DYNC1I1: variants seen among roughly 807,000 people sequenced by gnomAD.
The protein encoded by DYNC1I1 is cytoplasmic dynein 1 intermediate chain 1.
DYNC1I1 carries 43 observed loss-of-function variants against 86.6 expected under a neutral mutation model. That is an observed-to-expected ratio of 0.50 (90% confidence interval 0.39 to 0.64). The LOEUF (loss-of-function observed/expected upper bound fraction) is 0.64, where lower values mean the gene tolerates loss of function less well. Among genes scored for constraint, DYNC1I1 ranks in the 30% least tolerant of loss-of-function variants. The pLI, the probability that DYNC1I1 is intolerant of heterozygous loss-of-function variation, is 0.00. For synonymous variants in DYNC1I1, 262 were observed against 283.7 expected (o/e 0.92, Z 0.77); for missense variants, 604 against 788.8 (o/e 0.77, Z 2.81).
At chr7:96,080,791 G>T (rs1318448710) in intron 16 of DYNC1I1, among the ~76,000 whole-genome samples, 1 of 152,148 alleles carries the variant, frequency 6.6e-6, no homozygotes, top group African/African-American at 2.4e-5. Context: ...AAGTTTAGAG[G>T]CTGGGTGCGG....
At chr7:96,039,212 G>A (rs1788963456) in intron 13 of DYNC1I1, 65 bp from the exon 14 acceptor site, 2 of 1,537,590 alleles carry the variant, frequency 1.3e-6, no homozygotes, top group Admixed American at 4.4e-5. Context: ...GTTTTGTTTT[G>A]TTTTTAAGCA....
chr7:96,030,029 G>GT (rs1470674398), intron 11 of DYNC1I1, among the ~76,000 whole-genome samples: 1 of 151,232 alleles, frequency 6.6e-6, no homozygotes, highest in African/African-American at 2.4e-5. Flanking sequence ...GATTTTGTTT[G>GT]TTTGTTTTCT....
chr7:95,847,313 A>G (rs1789459533), intron 5 of DYNC1I1, among the ~76,000 whole-genome samples: 1 of 152,026 alleles, frequency 6.6e-6, no homozygotes, highest in African/African-American at 2.4e-5. Context: ...ACCATCAATC[A>G]CAGATCTTTT....
chr7:95,921,232 G>A (rs1342147990), intron 6 of DYNC1I1, among the ~76,000 whole-genome samples: 1 of 152,180 alleles, frequency 6.6e-6, no homozygotes, highest in Non-Finnish European at 1.5e-5. Context: ...TTCATAAGAT[G>A]TGTAAAATTT....
At chr7:95,827,984 A>AGTTTG (rs1562909969) in intron 4 of DYNC1I1, 73 bp from the exon 5 acceptor site, 14 of 1,496,290 alleles carry the variant, frequency 9.4e-6, no homozygotes, top group South Asian at 1.1e-5. Flanking sequence ...TGAATGACAT[A>AGTTTG]GTTTGGTTTG....
At chr7:95,943,249 A>G (rs1401817127) in intron 6 of DYNC1I1, among the ~76,000 whole-genome samples, 1 of 151,898 alleles carries the variant, frequency 6.6e-6, no homozygotes, top group Non-Finnish European at 1.5e-5. Flanking sequence ...AGAGAGCCAA[A>G]TCATGAGTGA....
chr7:95,999,948 T>C (rs994387924), intron 10 of DYNC1I1, among the ~76,000 whole-genome samples: 2 of 152,222 alleles, frequency 1.3e-5, no homozygotes, highest in African/African-American at 2.4e-5. Context: ...GACACAGAGA[T>C]ATAAATTAAT....
rs184710256 is a variant in DYNC1I1, at chr7:95,838,736, T to C, written c.374+10620T>C. On this transcript the variant is annotated intron_variant, in intron 5 of 16. Transcript: ENST00000447467. ...ATAAATGCTTCATAGTTCTTTTATG[T>C]AGAGATTTTTCACCTTGGTTAAATC... is the stretch of plus-strand genomic sequence containing the variant. Among the ~76,000 whole-genome samples the C allele has an allele frequency of 1.4e-4, 22 of 152,272 alleles. 1 individual carries two copies. The East Asian group carries it at 4.2e-3, about 29-fold the overall frequency.
intron 7 of DYNC1I1, among the ~76,000 whole-genome samples, chr7:95,977,810 TA>T: frequency 6.6e-6 from 1 of 152,306 alleles, no homozygotes; most frequent in East Asian, 1.9e-4. Context: ...TAAAGGCAAA[TA>T]AAGTGCAAAA....
At chr7:95,907,108 C>A (rs899206899) in intron 6 of DYNC1I1, among the ~76,000 whole-genome samples, 1 of 152,116 alleles carries the variant, frequency 6.6e-6, no homozygotes, top group Non-Finnish European at 1.5e-5. Flanking sequence ...GCAGAACATC[C>A]GCTTTGAAAT....
intron 6 of DYNC1I1, among the ~76,000 whole-genome samples, chr7:95,878,291 A>G (rs752866305): frequency 1.3e-5 from 2 of 152,176 alleles, no homozygotes; most frequent in African/African-American, 2.4e-5. Flanking sequence ...TGTTTTTTCA[A>G]AGAACTAAAA....
At chr7:96,070,748 T>G (rs1251672544) in intron 14 of DYNC1I1, among the ~76,000 whole-genome samples, 1 of 152,220 alleles carries the variant, frequency 6.6e-6, no homozygotes, top group Non-Finnish European at 1.5e-5. Flanking sequence ...CAAATCTTCC[T>G]ATTCACCAAA....
At chr7:95,963,954 A>G (rs549368531) in intron 6 of DYNC1I1, among the ~76,000 whole-genome samples, 3 of 152,288 alleles carry the variant, frequency 2.0e-5, no homozygotes, top group East Asian at 3.9e-4. Flanking sequence ...CTCTCAAACT[A>G]CTAGCTTTCT....
At chr7:95,778,496 T>A (rs2115630554) in intron 1 of DYNC1I1, among the ~76,000 whole-genome samples, 1 of 152,232 alleles carries the variant, frequency 6.6e-6, no homozygotes, top group Non-Finnish European at 1.5e-5. Context: ...GGACTCAAAT[T>A]AGAGGTGAGT....
intron 2 of DYNC1I1, among the ~76,000 whole-genome samples, chr7:95,805,634 T>C (rs2030380475): frequency 6.6e-6 from 1 of 152,194 alleles, no homozygotes; most frequent in African/African-American, 2.4e-5. Flanking sequence ...TCTTCCACTA[T>C]GTGAATCAAA....
intron 6 of DYNC1I1, among the ~76,000 whole-genome samples, chr7:95,896,228 G>GAGCCCTA (rs926306690): frequency 3.3e-5 from 5 of 152,120 alleles, no homozygotes; most frequent in Non-Finnish European, 7.4e-5. Flanking sequence ...GAAGAGCCCT[G>GAGCCCTA]AGCCCTAAGC....
At chr7:96,058,265 TA>T (rs1789646882) in intron 14 of DYNC1I1, among the ~76,000 whole-genome samples, 1 of 152,232 alleles carries the variant, frequency 6.6e-6, no homozygotes, top group African/African-American at 2.4e-5. Context: ...AATGTGTTTT[TA>T]AATTCATGCT....
intron 4 of DYNC1I1, among the ~76,000 whole-genome samples, chr7:95,824,923 T>C (rs1017211243): frequency 6.6e-6 from 1 of 152,254 alleles, no homozygotes; most frequent in African/African-American, 2.4e-5. Context: ...ATTTTGCATA[T>C]TGGCTTTAAG....
intron 2 of DYNC1I1, among the ~76,000 whole-genome samples, chr7:95,808,577 C>T (rs1261466383): frequency 6.6e-6 from 1 of 152,040 alleles, no homozygotes; most frequent in Non-Finnish European, 1.5e-5. Flanking sequence ...TGGGGGCCAC[C>T]CTGAAGTTTC....
Sources: allele counts gnomAD v4.1 joint callset (sites outside exome capture counted in the v4.1 genomes callset), GRCh38; gene constraint gnomAD v4.1.1; transcripts MANE v1.5; gene names NCBI Gene and HGNC (gene_info 2026-07-23, HGNC 2026-07-21).